Variants in MX1 observed in about 807,000 individuals in gnomAD.
MX1 encodes the protein interferon-induced GTP-binding protein Mx1.
A neutral mutation model predicts 66.4 loss-of-function variants in MX1; 66 were observed. The ratio of observed to expected loss-of-function variants is 0.99; its 90% CI spans 0.82 to 1.22. The LOEUF is 1.22. MX1 is among the 50% of genes most tolerant of loss of function. The pLI, the probability that MX1 is intolerant of heterozygous loss-of-function variation, is 0.00. For synonymous variants in MX1, 311 were observed against 318.1 expected, an observed-to-expected ratio of 0.98 and a Z score of 0.24; for missense variants, 787 against 834.3, an observed-to-expected ratio of 0.94 and a Z score of 0.70.
intron 5 of MX1, 97 bp downstream of exon 5, chr21:41,432,272 C>T: frequency 9.3e-7 from 1 of 1,073,164 alleles, no homozygotes; most frequent in Non-Finnish European, 1.4e-6. Flanking sequence ...CCCAGATATG[C>T]CTGCTCTCTC....
At chr21:41,449,947 C>A (rs147484782) in intron 14 of MX1, among the ~76,000 whole-genome samples, 2 of 152,160 alleles carry the variant, frequency 1.3e-5, no homozygotes, top group African/African-American at 4.8e-5. Flanking sequence ...TTTCTAGTGC[C>A]CGGCCCCAAT....
rs113614187 is a variant in MX1, at chr21:41,436,725, TGC to T, written c.299-289_299-288del. Among the ~76,000 whole-genome samples, 8 of 152,302 alleles carry T rather than the reference TGC, an allele frequency of 5.3e-5. 1 individual carries two copies. The highest frequency in any genetic ancestry group is 1.9e-4 in the African/African-American group (8 of 41,552). ...GTTTCGGGGGATTCCCAATGTGGTCTGCCACCTGAGCTGATGGCAGAACACTG... is the reference window on the plus strand; with the variant it reads ...GTTTCGGGGGATTCCCAATGTGGTCTCACCTGAGCTGATGGCAGAACACTG... On this transcript the variant is annotated intron_variant, in intron 6 of 16. Transcript: ENST00000398598.
chr21:41,425,237 GC>G (rs1261734533), upstream of MX1, among the ~76,000 whole-genome samples: 1 of 152,242 alleles, frequency 6.6e-6, no homozygotes, highest in Non-Finnish European at 1.5e-5. Context: ...AAGAGAGTCA[GC>G]GAAGGGAGAT....
At chr21:41,437,491 A>C (rs150013352) in intron 7 of MX1, among the ~76,000 whole-genome samples, 1,593 of 152,060 alleles carry the variant, frequency 0.01, 19 homozygotes, top group Middle Eastern at 0.024. Context: ...AAAAAATTAA[A>C]ATAGCTGGGC....
intron 3 of MX1, chr21:41,428,092 G>A (rs2090114355): frequency 6.6e-6 from 1 of 152,182 alleles, no homozygotes; most frequent in Non-Finnish European, 1.5e-5. Context: ...GTTTAGTAGA[G>A]ACAGCATTTC....
chr21:41,458,708 C>G lies in MX1; in HGVS notation c.1939C>G (p.Leu647Val). The G allele has an allele frequency of 6.2e-7, 1 of 1,614,082 alleles. No individual in the cohort carries two copies. The highest frequency in any genetic ancestry group is 8.5e-7 in the Non-Finnish European group (1 of 1,180,044). Residue 647 changes from leucine (L) to valine (V), a missense_variant, in exon 17 of 17, where the codon CTT (leucine) becomes GTT (valine). Coordinates refer to ENST00000398598, the MANE Select transcript of MX1 (RefSeq NM_002462.5). ...CAAGCGGAAGTTCCTGAAGGAGCGG[C>G]TTGCACGGCTGACGCAGGCTCGGCG... is the stretch of plus-strand genomic sequence containing the variant. The part of the protein sequence containing the change: ...SDKRKFLKER[L>V]ARLTQARRRL...
At chr21:41,453,906 T>TA (rs1388661834) in intron 16 of MX1, among the ~76,000 whole-genome samples, 2 of 292 alleles carry the variant, frequency 6.8e-3, no homozygotes, top group Admixed American at 0.026. Flanking sequence ...ATGCCTGAGT[T>TA]AAGGCAGTGT....
chr21:41,430,869 A>G (rs575674201), intron 4 of MX1, among the ~76,000 whole-genome samples: 4 of 152,370 alleles, frequency 2.6e-5, no homozygotes, highest in Admixed American at 2.0e-4. Flanking sequence ...GAATGACAAT[A>G]TGAAATTGAT....
intron 14 of MX1, among the ~76,000 whole-genome samples, chr21:41,450,125 T>C (rs1184370782): frequency 6.6e-6 from 1 of 152,254 alleles, no homozygotes; most frequent in Non-Finnish European, 1.5e-5. Flanking sequence ...TCCACTGCTA[T>C]GCTGGCTTCA....
upstream of MX1, among the ~76,000 whole-genome samples, chr21:41,424,090 G>C (rs984999158): frequency 6.6e-6 from 1 of 152,190 alleles, no homozygotes; most frequent in African/African-American, 2.4e-5. Context: ...ATGAGTGCCA[G>C]CTCTGCTCAC....
At chr21:41,445,690 T>C in intron 12 of MX1, 120 bp downstream of exon 12, 1 of 1,379,096 alleles carries the variant, frequency 7.3e-7, no homozygotes, top group East Asian at 2.3e-5. Context: ...ATCTGGCCCG[T>C]AGCACTCAAA....
chr21:41,423,133 C>G (rs553639369), upstream of MX1: 1 of 153,690 alleles, frequency 6.5e-6, no homozygotes, highest in Non-Finnish European at 1.4e-5. Flanking sequence ...GGAACAATGG[C>G]GAGCCTTTAG....
At chr21:41,442,402 A>C (rs1443226801) in intron 10 of MX1, among the ~76,000 whole-genome samples, 8 of 152,182 alleles carry the variant, frequency 5.3e-5, no homozygotes, top group Admixed American at 1.3e-4. Flanking sequence ...TACTTATCTC[A>C]TTATACCAAA....
chr21:41,452,434 C>G (rs1259306866), intron 15 of MX1, among the ~76,000 whole-genome samples, 187 bp from the exon 16 acceptor site: 2 of 152,214 alleles, frequency 1.3e-5, no homozygotes, highest in Non-Finnish European at 2.9e-5. Flanking sequence ...CTGGGAAGCT[C>G]TGACCCTCAG....
intron 5 of MX1, among the ~76,000 whole-genome samples, 153 bp from the exon 6 acceptor site, chr21:41,435,684 C>T (rs2090337635): frequency 6.6e-6 from 1 of 152,198 alleles, no homozygotes; most frequent in South Asian, 2.1e-4. Context: ...ACCTCCCCCA[C>T]AATCCAATTA....
chr21:41,452,882 G>A lies in MX1; in HGVS notation c.1758+13G>A, dbSNP rs200501687. Reference sequence around the variant, plus strand: ...GGCCTATCACCAGGTACGTCTTCGCGTGGTTCAGGATGCCAGCTTCCATTC... The same window carrying A: ...GGCCTATCACCAGGTACGTCTTCGCATGGTTCAGGATGCCAGCTTCCATTC... On this transcript the variant is annotated intron_variant, in intron 16 of 16. Coordinates refer to ENST00000398598, the MANE Select transcript of MX1 (RefSeq NM_002462.5). 5.5e-5 allele frequency: 88 copies of A among 1,612,908 alleles called. No homozygotes were observed. Among genetic ancestry groups the A allele is most frequent in the Middle Eastern group, 1.7e-4 (1 of 6,050 alleles).
chr21:41,438,039 T>C (rs1201506690), intron 7 of MX1, among the ~76,000 whole-genome samples: 1 of 152,216 alleles, frequency 6.6e-6, no homozygotes, highest in African/African-American at 2.4e-5. Context: ...GTGAGATGCA[T>C]GGATAACATC....
chr21:41,427,441 TA>T (rs1008037023), intron 2 of MX1, 137 bp downstream of exon 2: 7 of 152,252 alleles, frequency 4.6e-5, no homozygotes, highest in Admixed American at 3.3e-4. Flanking sequence ...GAGTTAGTTT[TA>T]AAACTAGACT....
chr21:41,444,323 T>C (rs2090602955), intron 11 of MX1, among the ~76,000 whole-genome samples: 1 of 121,792 alleles, frequency 8.2e-6, no homozygotes, highest in Non-Finnish European at 1.7e-5. Flanking sequence ...TCTTTCTTTT[T>C]TTTTTTTTTT....
Sources: allele counts gnomAD v4.1 joint callset (sites outside exome capture counted in the v4.1 genomes callset), GRCh38; gene constraint gnomAD v4.1.1; transcripts MANE v1.5; gene names NCBI Gene and HGNC (gene_info 2026-07-23, HGNC 2026-07-21).